The following DOCK3 variants were observed in gnomAD, a reference collection of about 807,000 sequenced individuals.
The protein encoded by DOCK3 is dedicator of cytokinesis protein 3.
A neutral mutation model predicts 265.6 loss-of-function variants in DOCK3; 60 were observed. That is an observed-to-expected ratio of 0.23 (90% CI 0.18 to 0.28). The LOEUF is 0.28. Ranked by LOEUF, DOCK3 falls within the 10% of genes least tolerant of loss-of-function variation. The probability of loss-of-function intolerance (pLI) is 1.00; values close to 1 mark genes in which losing one functional copy is unlikely to be tolerated. For missense variants in DOCK3, 1,981 were observed against 2,594.3 expected (o/e 0.76, Z 5.14); for synonymous variants, 881 against 938.0 (o/e 0.94, Z 1.11).
chr3:51,208,203 C>G (rs1364348812), intron 12 of DOCK3, among the ~76,000 whole-genome samples: 2 of 152,156 alleles, frequency 1.3e-5, no homozygotes, highest in African/African-American at 4.8e-5. Context: ...GTCCTCCTTC[C>G]CCCTGACCAC....
chr3:50,898,551 G>T (rs1167548307), intron 4 of DOCK3: 1 of 152,674 alleles, frequency 6.5e-6, no homozygotes, highest in Non-Finnish European at 1.5e-5. Flanking sequence ...TGCTTCTGCA[G>T]TTCTTTTAAT....
intron 21 of DOCK3, among the ~76,000 whole-genome samples, chr3:51,240,859 T>C (rs6800805): frequency 0.91 from 138,901 of 152,296 alleles, 63,490 homozygotes; most frequent in African/African-American, 0.96. Context: ...AGACAGCTTA[T>C]GAATGGGTCT....
At chr3:51,249,937 T>A (rs1360866610) in intron 22 of DOCK3, among the ~76,000 whole-genome samples, 1 of 150,692 alleles carries the variant, frequency 6.6e-6, no homozygotes, top group Non-Finnish European at 1.5e-5. Flanking sequence ...CTAAGAAAAA[T>A]TCTTCTGCCT....
chr3:51,250,158 C>A (rs2079124936), intron 22 of DOCK3, among the ~76,000 whole-genome samples: 1 of 151,700 alleles, frequency 6.6e-6, no homozygotes, highest in Non-Finnish European at 1.5e-5. Context: ...GGTCCTCTGC[C>A]TAGGAAAACC....
intron 1 of DOCK3, among the ~76,000 whole-genome samples, chr3:50,724,324 C>A (rs1015295355): frequency 6.6e-6 from 1 of 151,832 alleles, no homozygotes; most frequent in Non-Finnish European, 1.5e-5. Context: ...TACCATTTGA[C>A]CCAGCAGTCC....
At chr3:50,915,120 A>G (rs2050048104) in intron 4 of DOCK3, among the ~76,000 whole-genome samples, 1 of 152,044 alleles carries the variant, frequency 6.6e-6, no homozygotes, top group Non-Finnish European at 1.5e-5. Context: ...TTGTAATTCT[A>G]CTTGTGCATG....
At chr3:51,232,045 G>A (rs2078142758) in intron 19 of DOCK3, among the ~76,000 whole-genome samples, 1 of 152,204 alleles carries the variant, frequency 6.6e-6, no homozygotes, top group Admixed American at 6.5e-5. Flanking sequence ...TATACTGCCT[G>A]AGGAAGAATG....
Position 51,047,187 on chromosome 3 carries a change from G to C in DOCK3, c.316-17261G>C, listed in dbSNP as rs1303043542. Among the ~76,000 whole-genome samples, 21 of 139,362 alleles carry C rather than the reference G, an allele frequency of 1.5e-4. No individual in the cohort carries two copies. In the East Asian group the frequency reaches 4.5e-3, roughly 30 times the overall value. 91.4% of individuals were successfully genotyped at this position (139,362 alleles called of 152,430 possible). A position where few individuals can be genotyped will look rare whatever the true frequency, so the allele number is the denominator to read the frequency against. ...AAGGAAAAATAAAAATGAGAGCAGA[G>C]ACATAGGTGGGAATTGAACAATGAG... On this transcript the variant is annotated intron_variant, in intron 5 of 52. Transcript: ENST00000266037.
At chr3:50,774,035 T>G (rs1357856070) in intron 1 of DOCK3, among the ~76,000 whole-genome samples, 1 of 152,078 alleles carries the variant, frequency 6.6e-6, no homozygotes, top group Non-Finnish European at 1.5e-5. Context: ...TAGCCAAATA[T>G]TCCCAGAGTA....
chr3:51,375,427 C>G lies in DOCK3; in HGVS notation c.5413-321C>G, dbSNP rs73837441. 6.1e-3 allele frequency among the ~76,000 whole-genome samples: 924 copies of G among 152,276 alleles called. 11 individuals are homozygous for G. Among genetic ancestry groups the G allele is most frequent in the African/African-American group, 0.021 (893 of 41,544 alleles). ...CATGGGGAAGTGGGGATCTCTCTAG[C>G]CAGACAAAAGGATGCAAACAGATGC... is the stretch of plus-strand genomic sequence containing the variant. On this transcript the variant is annotated intron_variant, in intron 50 of 52. Transcript: ENST00000266037.
At chr3:50,853,188 C>T (rs571553493) in intron 3 of DOCK3, among the ~76,000 whole-genome samples, 2 of 152,084 alleles carry the variant, frequency 1.3e-5, no homozygotes, top group African/African-American at 4.8e-5. Context: ...CCTTCTCTCC[C>T]TTCCCTTCCA....
chr3:51,070,991 A>G (rs182322466), intron 6 of DOCK3, among the ~76,000 whole-genome samples: 7 of 152,240 alleles, frequency 4.6e-5, no homozygotes, highest in Non-Finnish European at 1.0e-4. Flanking sequence ...ATTGTCTTCC[A>G]TGAAACCAGT....
At chr3:51,128,456 G>A (rs2084363602) in intron 9 of DOCK3, among the ~76,000 whole-genome samples, 1 of 152,234 alleles carries the variant, frequency 6.6e-6, no homozygotes, top group Non-Finnish European at 1.5e-5. Flanking sequence ...GGTAATACCA[G>A]TGAATTCCAT....
intron 1 of DOCK3, among the ~76,000 whole-genome samples, chr3:50,730,028 A>G (rs2038095875): frequency 6.7e-6 from 1 of 150,050 alleles, no homozygotes; most frequent in African/African-American, 2.5e-5. Flanking sequence ...CGAATTTCTG[A>G]TAAAAGAACT....
chr3:51,204,247 A>G (rs1459424079), intron 12 of DOCK3, among the ~76,000 whole-genome samples: 2 of 148,022 alleles, frequency 1.4e-5, no homozygotes, highest in African/African-American at 5.0e-5. Context: ...AATGGGAGAA[A>G]ATTTTCACAA....
At chr3:50,693,530 C>CT (rs35261130) in intron 1 of DOCK3, among the ~76,000 whole-genome samples, 8,289 of 64,188 alleles carry the variant, frequency 0.13, 470 homozygotes, top group Non-Finnish European at 0.16. Flanking sequence ...ATTTCCTTTC[C>CT]TTTTTTTTTT....
At chr3:51,024,541 G>T (rs142040179) in intron 5 of DOCK3, among the ~76,000 whole-genome samples, 2 of 152,296 alleles carry the variant, frequency 1.3e-5, no homozygotes, top group East Asian at 3.9e-4. Context: ...AGCTACCTCA[G>T]CTTCCCTGCT....
At chr3:51,109,769 C>CA (rs1199085333) in intron 9 of DOCK3, among the ~76,000 whole-genome samples, 2 of 151,616 alleles carry the variant, frequency 1.3e-5, no homozygotes, top group Admixed American at 6.6e-5. Context: ...CCCATCTCTA[C>CA]AAAAAATACT....
intron 5 of DOCK3, among the ~76,000 whole-genome samples, chr3:50,957,016 T>C (rs1359378316): frequency 6.6e-6 from 1 of 152,172 alleles, no homozygotes; most frequent in Non-Finnish European, 1.5e-5. Flanking sequence ...CTGCCTGCCT[T>C]GCCCTCCCAA....
Sources: gnomAD v4.1 joint callset for allele counts (sites outside exome capture counted in the v4.1 genomes callset) on GRCh38, gnomAD v4.1.1 for gene constraint, MANE v1.5 for transcripts, NCBI Gene and HGNC (gene_info 2026-07-23, HGNC 2026-07-21) for gene names.